The following SUPT3H variants were observed in gnomAD, a reference collection of about 807,000 sequenced individuals.
SUPT3H encodes transcription initiation protein SPT3 homolog.
In SUPT3H, 44 loss-of-function variants were observed where a neutral mutation model predicts 44.3. That is an observed-to-expected ratio of 0.99 (90% confidence interval 0.78 to 1.28). The LOEUF is 1.28. SUPT3H is among the 50% of genes most tolerant of loss of function. SUPT3H has a pLI of 0.00. For synonymous variants in SUPT3H, 124 were observed against 125.6 expected, an observed-to-expected ratio of 0.99 and a Z score of 0.09; for missense variants, 380 against 387.1, an observed-to-expected ratio of 0.98 and a Z score of 0.15.
intron 10 of SUPT3H, among the ~76,000 whole-genome samples, chr6:44,839,742 C>G (rs1427219089): frequency 1.3e-5 from 2 of 151,886 alleles, no homozygotes; most frequent in African/African-American, 2.4e-5. Context: ...CTCTCTGTCG[C>G]CCAGGCTGGA....
intron 3 of SUPT3H, among the ~76,000 whole-genome samples, chr6:45,029,140 T>C (rs1239154772): frequency 6.6e-6 from 1 of 151,796 alleles, no homozygotes; most frequent in African/African-American, 2.4e-5. Flanking sequence ...TCTTAGACAT[T>C]TGAAACATAA....
In SUPT3H at chr6:45,105,913, T is replaced by C. The variant is rs534273431; in HGVS notation, c.186+9A>G. ...AAGAGAAACCAAATCAAATTATATA[T>C]GCTCTTACCAGATTAATTAACTGAG... On this transcript the variant is annotated intron_variant, in intron 3 of 10. Coordinates refer to ENST00000371459, the MANE Select transcript of SUPT3H (RefSeq NM_003599.4). The C allele has an allele frequency of 5.6e-6, 9 of 1,605,968 alleles. No individual in the cohort carries two copies. Among genetic ancestry groups the C allele is most frequent in the East Asian group, 2.2e-5 (1 of 44,774 alleles).
intron 2 of SUPT3H, among the ~76,000 whole-genome samples, chr6:45,190,031 C>A (rs1475689037): frequency 6.6e-6 from 1 of 152,148 alleles, no homozygotes; most frequent in Non-Finnish European, 1.5e-5. Context: ...GAATGTTCTG[C>A]ACAACAATAT....
intron 2 of SUPT3H, chr6:45,328,312 G>T: frequency 1.5e-6 from 2 of 1,365,310 alleles, no homozygotes; most frequent in Non-Finnish European, 9.8e-7. Flanking sequence ...TTGCTTTTTT[G>T]GATTGTGTGA....
chr6:44,947,782 C>T (rs1407370524), intron 9 of SUPT3H, among the ~76,000 whole-genome samples: 1 of 152,116 alleles, frequency 6.6e-6, no homozygotes, highest in Non-Finnish European at 1.5e-5. Context: ...TCTGCAATAA[C>T]TAGATATCCA....
intron 10 of SUPT3H, among the ~76,000 whole-genome samples, chr6:44,919,981 C>G (rs1213001396): frequency 6.6e-6 from 1 of 152,068 alleles, no homozygotes; most frequent in Non-Finnish European, 1.5e-5. Flanking sequence ...CAGGTTCAGG[C>G]GATTCTCCTG....
chr6:44,897,266 C>T (rs915317572), intron 10 of SUPT3H, among the ~76,000 whole-genome samples: 11 of 152,144 alleles, frequency 7.2e-5, no homozygotes, highest in African/African-American at 9.7e-5. Flanking sequence ...GACAGAATAT[C>T]GGGTTTATTT....
intron 6 of SUPT3H, among the ~76,000 whole-genome samples, chr6:44,978,255 G>A (rs1418450498): frequency 6.6e-6 from 1 of 152,114 alleles, no homozygotes; most frequent in Admixed American, 6.6e-5. Flanking sequence ...GTGCTGAACT[G>A]AGCCAGGTAT....
chr6:45,014,159 T>C (rs1015911047), intron 5 of SUPT3H, among the ~76,000 whole-genome samples: 2 of 152,076 alleles, frequency 1.3e-5, no homozygotes, highest in Non-Finnish European at 2.9e-5. Flanking sequence ...ACTGTTTTTT[T>C]TTTAAGTTTT....
chr6:45,000,928 C>G (rs1193169864), intron 6 of SUPT3H, among the ~76,000 whole-genome samples: 2 of 152,020 alleles, frequency 1.3e-5, no homozygotes, highest in African/African-American at 4.8e-5. Context: ...TCTTTACAAA[C>G]TTAGGGGCTT....
chr6:45,166,389 C>A (rs898208476), intron 2 of SUPT3H, among the ~76,000 whole-genome samples: 1 of 151,972 alleles, frequency 6.6e-6, no homozygotes. Context: ...GAGATTAAGA[C>A]CATCCTGGCT....
At chr6:44,863,272 A>G (rs1361775133) in intron 10 of SUPT3H, among the ~76,000 whole-genome samples, 1 of 152,166 alleles carries the variant, frequency 6.6e-6, no homozygotes, top group African/African-American at 2.4e-5. Flanking sequence ...AAAATATTAC[A>G]GTGGAAGAAA....
intron 2 of SUPT3H, among the ~76,000 whole-genome samples, chr6:45,282,078 G>C (rs1262311354): frequency 2.6e-5 from 4 of 152,098 alleles, no homozygotes; most frequent in African/African-American, 4.8e-5. Context: ...CACAACAAAA[G>C]CCCATCTGTA....
At chr6:45,293,262 G>T (rs1584754026) in intron 2 of SUPT3H, among the ~76,000 whole-genome samples, 2 of 152,084 alleles carry the variant, frequency 1.3e-5, no homozygotes, top group Admixed American at 1.3e-4. Context: ...AAATCAAAAT[G>T]GAATTTAAAA....
intron 2 of SUPT3H, among the ~76,000 whole-genome samples, chr6:45,182,137 C>G (rs2153613863): frequency 6.6e-6 from 1 of 152,284 alleles, no homozygotes; most frequent in South Asian, 2.1e-4. Context: ...ATAGAAGGAG[C>G]TGATGCCTGT....
chr6:45,090,561 A>C (rs1221110313), intron 3 of SUPT3H, among the ~76,000 whole-genome samples: 1 of 152,052 alleles, frequency 6.6e-6, no homozygotes, highest in Non-Finnish European at 1.5e-5. Flanking sequence ...AAAATACCAA[A>C]GTTATTTAGA....
intron 10 of SUPT3H, among the ~76,000 whole-genome samples, chr6:44,904,237 C>T (rs546243292): frequency 5.3e-5 from 8 of 152,266 alleles, no homozygotes; most frequent in East Asian, 1.9e-4. Flanking sequence ...TTGTCCCTGT[C>T]TGCAGATGAC....
At chr6:45,251,712 T>A (rs183844472) in intron 2 of SUPT3H, among the ~76,000 whole-genome samples, 31 of 152,254 alleles carry the variant, frequency 2.0e-4, no homozygotes, top group African/African-American at 7.5e-4. Flanking sequence ...CTCAAAAAAA[T>A]TCCAGTGCTA....
At chr6:45,318,232 G>GA (rs1464607501) in intron 2 of SUPT3H, among the ~76,000 whole-genome samples, 1 of 152,012 alleles carries the variant, frequency 6.6e-6, no homozygotes, top group Middle Eastern at 3.4e-3. Context: ...AGAAAGGGAA[G>GA]AAAAAAATAG....
Sources: gnomAD v4.1 joint callset for allele counts (sites outside exome capture counted in the v4.1 genomes callset) on GRCh38, gnomAD v4.1.1 for gene constraint, MANE v1.5 for transcripts, NCBI Gene and HGNC (gene_info 2026-07-23, HGNC 2026-07-21) for gene names.